The following MON1A variants were observed in gnomAD, a reference collection of about 807,000 sequenced individuals.
MON1A encodes vacuolar fusion protein MON1 homolog A.
MON1A carries 29 observed loss-of-function variants against 44.6 expected under a neutral mutation model. The observed-to-expected ratio is 0.65, with a 90% CI of 0.48 to 0.89. MON1A has a LOEUF of 0.89. MON1A is among the 40% of genes least tolerant of loss of function. The pLI is 0.00. For synonymous variants in MON1A, 275 were observed against 316.4 expected (o/e 0.87, Z 1.39); for missense variants, 615 against 759.6 (o/e 0.81, Z 2.24).
chr3:49,918,586 AT>A (rs2108535713), intron 1 of MON1A, among the ~76,000 whole-genome samples: 1 of 151,924 alleles, frequency 6.6e-6, no homozygotes, highest in East Asian at 2.0e-4. Context: ...TAATGTTTGT[AT>A]TTTTAGTAGA....
Position 49,923,467 on chromosome 3 carries a change from TC to T in MON1A, c.-14+6141del, listed in dbSNP as rs1413917795. 5.8e-5 allele frequency among the ~76,000 whole-genome samples: 8 copies of T among 138,784 alleles called. No homozygotes were observed. In the South Asian group the frequency reaches 1.8e-3, roughly 32 times the overall value. 91.0% of individuals were successfully genotyped at this position (138,784 alleles called of 152,430 possible). On this transcript the variant is annotated intron_variant, in intron 1 of 5. Transcript: ENST00000296473. ...AGGGAAGAACGAAAGAAAGACAAGC[TC>T]TTTTTTTTTTTTTTTTGAGACAGTC...
intron 1 of MON1A, among the ~76,000 whole-genome samples, chr3:49,915,602 G>A (rs928867646): frequency 6.6e-6 from 1 of 152,186 alleles, no homozygotes; most frequent in African/African-American, 2.4e-5. Flanking sequence ...GGATATCTAG[G>A]TGTTTGCAGA....
chr3:49,929,016 GC>G (rs1229869103), intron 1 of MON1A, among the ~76,000 whole-genome samples: 4 of 152,134 alleles, frequency 2.6e-5, no homozygotes, highest in Non-Finnish European at 2.9e-5. Flanking sequence ...TTCAAGACGA[GC>G]CTGGCCAACA....
chr3:49,924,551 C>G, intron 1 of MON1A: 1 of 287,220 alleles, frequency 3.5e-6, no homozygotes, highest in South Asian at 2.6e-5. Flanking sequence ...TCATGACGGG[C>G]GCCTGTAATC....
Position 49,911,989 on chromosome 3 carries a change from C to A in MON1A, c.150G>T (p.Met50Ile), listed in dbSNP as rs763930158. The change falls in exon 3 of 6, where the codon ATG becomes ATT. Residue 50 changes from methionine (M) to isoleucine (I), a missense_variant. By Grantham distance (10) the Met-to-Ile change is conservative (BLOSUM62 1). Coordinates refer to ENST00000296473, the MANE Select transcript of MON1A (RefSeq NM_032355.4). This position sits in a 1 kb window ranked among gnomAD's most constrained non-coding sequence, Gnocchi z 5.7. ...CCTCGTAGGAACGGGCATGGACGAA[C>A]ATGGCACCCTCCTGGCCCGCACCTG... ...MEPGAGQEGA[M>I]FVHARSYEDL... The A allele has an allele frequency of 1.4e-5, 22 of 1,598,656 alleles. No homozygotes were observed. The highest frequency in any genetic ancestry group is 1.9e-5 in the Non-Finnish European group (22 of 1,170,646).
At position 49,908,972 on chromosome 3, in the gene MON1A, C is replaced by A; in HGVS notation, c.*42G>T. The A allele has an allele frequency of 6.3e-7, 1 of 1,575,614 alleles. No individual in the cohort carries two copies. The highest frequency in any genetic ancestry group is 8.6e-7 in the Non-Finnish European group (1 of 1,157,426). ...ATCTGGAGGCTCCTATGGCTTCCCA[C>A]ACCTAGTGTGTCCAGGAAGGCTGAG... is the stretch of plus-strand genomic sequence containing the variant. On this transcript the variant is annotated 3_prime_UTR_variant, in exon 6 of 6. Coordinates refer to ENST00000296473, the MANE Select transcript of MON1A (RefSeq NM_032355.4).
At chr3:49,925,156 C>T (rs1480558076) in intron 1 of MON1A, among the ~76,000 whole-genome samples, 2 of 152,156 alleles carry the variant, frequency 1.3e-5, no homozygotes, top group African/African-American at 2.4e-5. Context: ...ACTCTGCCAC[C>T]CAGGCCGAAG....
At chr3:49,916,247 G>A (rs2082942202) in intron 1 of MON1A, among the ~76,000 whole-genome samples, 2 of 152,148 alleles carry the variant, frequency 1.3e-5, no homozygotes, top group African/African-American at 4.8e-5. Context: ...GAAAAGGGTG[G>A]TCCCAAACAG....
intron 1 of MON1A, among the ~76,000 whole-genome samples, chr3:49,919,556 T>C (rs2082978151): frequency 6.6e-6 from 1 of 152,202 alleles, no homozygotes; most frequent in Admixed American, 6.5e-5. Flanking sequence ...CTCCGCTCAC[T>C]GCAACCTCTG....
rs1282304353 is a variant in MON1A at position 49,911,819 on chromosome 3, T to A, written c.320A>T (p.Asp107Val). ...LSTQLTGVARDLQEEMLPGSS... is the reference protein window; with the variant it reads ...LSTQLTGVARVLQEEMLPGSS... Reference sequence around the variant, plus strand: ...TCCTGGCAGCATCTCCTCCTGCAGGTCCCGGGCCACACCCGTCAGCTGGGT... The same window carrying A: ...TCCTGGCAGCATCTCCTCCTGCAGGACCCGGGCCACACCCGTCAGCTGGGT... The change falls in exon 3 of 6, where the codon GAC (aspartate) becomes GTC (valine). Residue 107 changes from aspartate (D) to valine (V), a missense_variant. Coordinates refer to ENST00000296473, the MANE Select transcript of MON1A (RefSeq NM_032355.4). The surrounding 1 kb of genome is among the most constrained non-coding windows in gnomAD (Gnocchi z 5.7). 1 of 1,613,956 alleles carries A rather than the reference T, an allele frequency of 6.2e-7. No homozygotes were observed. The highest frequency in any genetic ancestry group is 8.5e-7 in the Non-Finnish European group (1 of 1,179,980).
chr3:49,914,020 A>T (rs113254579), intron 1 of MON1A, among the ~76,000 whole-genome samples: 1 of 151,706 alleles, frequency 6.6e-6, no homozygotes, highest in Non-Finnish European at 1.5e-5. Context: ...ACTTGGGCTC[A>T]AGCAGTCCTC....
chr3:49,909,463 T>C lies in MON1A; in HGVS notation c.1380-63A>G, dbSNP rs2082849487. ...TGACTTCCACTGTCTTCTCTAGAGA[T>C]TTAGAAACACCTATTCCTATCCAGG... On this transcript the variant is annotated intron_variant, in intron 4 of 5. Transcript: ENST00000296473. The surrounding 1 kb of genome is among the most constrained non-coding windows in gnomAD (Gnocchi z 4.0). 1.9e-6 allele frequency: 3 copies of C among 1,594,298 alleles called. No homozygotes were observed. The highest frequency in any genetic ancestry group is 1.1e-5 in the South Asian group (1 of 89,832).
rs1371895753 is a variant in MON1A at position 49,929,792 on chromosome 3, G to C, written c.-197C>G. Reference sequence around the variant, plus strand: ...CCGCTCCCTCCCACCGCCCTCACCCGGCCGCCGGTGCAGGAAGATAGCTTT... The same window carrying C: ...CCGCTCCCTCCCACCGCCCTCACCCCGCCGCCGGTGCAGGAAGATAGCTTT... On this transcript the variant is annotated 5_prime_UTR_variant, in exon 1 of 6. Coordinates refer to ENST00000296473, the MANE Select transcript of MON1A (RefSeq NM_032355.4). 3 of 1,547,840 alleles carry C rather than the reference G, an allele frequency of 1.9e-6. No homozygotes were observed. Among genetic ancestry groups the C allele is most frequent in the East Asian group, 2.4e-5 (1 of 40,918 alleles).
chr3:49,910,456 G>C lies in MON1A; in HGVS notation c.1042C>G (p.Leu348Val), dbSNP rs1405805579. ...GAGGAGGAACTAATGAGGTTGAAGA[G>C]CAGGTGCAGGTCGATGGGGTGCAGA... Reference protein sequence around the residue: ...QFLHPIDLHLLFNLISSSSSF... With the variant: ...QFLHPIDLHLVFNLISSSSSF... Residue 348 changes from leucine (L) to valine (V), a missense_variant, in exon 4 of 6, where the codon CTC becomes GTC. By Grantham distance (32) the Leu-to-Val change is conservative. Coordinates refer to ENST00000296473, the MANE Select transcript of MON1A (RefSeq NM_032355.4). This position sits in a 1 kb window ranked among gnomAD's most constrained non-coding sequence, Gnocchi z 8.0. 6.2e-7 allele frequency: 1 copy of C among 1,614,102 alleles called. No individual in the cohort carries two copies. Among genetic ancestry groups the C allele is most frequent in the African/African-American group, 1.3e-5 (1 of 74,946 alleles).
At chr3:49,913,101 T>C (rs1198715777) in intron 2 of MON1A, 119 bp downstream of exon 2, 20 of 1,375,720 alleles carry the variant, frequency 1.5e-5, no homozygotes, top group Non-Finnish European at 2.0e-5. Flanking sequence ...CTGACAAATA[T>C]CCAATGAGTG....
Position 49,929,676 on chromosome 3 carries a change from G to C in MON1A, c.-81C>G. On this transcript the variant is annotated 5_prime_UTR_variant, in exon 1 of 6. Transcript: ENST00000296473. Reference sequence around the variant, plus strand: ...ACTGCCCTCTGCCGGACCCATGGAGGGGTAAGGGTGTCCGGCCGGGGCCGG... The same window carrying C: ...ACTGCCCTCTGCCGGACCCATGGAGCGGTAAGGGTGTCCGGCCGGGGCCGG... 1 of 1,551,240 alleles carries C rather than the reference G, an allele frequency of 6.4e-7. No individual in the cohort carries two copies. The highest frequency in any genetic ancestry group is 8.7e-7 in the Non-Finnish European group (1 of 1,146,912).
chr3:49,928,814 C>CG (rs2083071737), intron 1 of MON1A, among the ~76,000 whole-genome samples: 1 of 152,152 alleles, frequency 6.6e-6, no homozygotes, highest in African/African-American at 2.4e-5. Context: ...CTGGCGGTTA[C>CG]TTCCCTCCCT....
intron 2 of MON1A, chr3:49,912,900 C>T: frequency 2.2e-6 from 1 of 450,788 alleles, no homozygotes; most frequent in Non-Finnish European, 4.1e-6. Flanking sequence ...AATTAGTGTG[C>T]TATACAGAGC....
At chr3:49,925,549 C>A (rs900560047) in intron 1 of MON1A, among the ~76,000 whole-genome samples, 5 of 152,124 alleles carry the variant, frequency 3.3e-5, no homozygotes, top group Non-Finnish European at 7.3e-5. Context: ...GAGTGCCAGC[C>A]TGGCTGACAT....
Sources: allele counts gnomAD v4.1 joint callset (sites outside exome capture counted in the v4.1 genomes callset), GRCh38; gene constraint gnomAD v4.1.1; non-coding constraint Gnocchi (gnomAD v3.1); transcripts MANE v1.5; gene names NCBI Gene and HGNC (gene_info 2026-07-23, HGNC 2026-07-21).